PTPN7: variants seen among roughly 807,000 people sequenced by gnomAD.
PTPN7 encodes tyrosine-protein phosphatase non-receptor type 7.
In PTPN7, 33 loss-of-function variants were observed where a neutral mutation model predicts 50.3. That is an observed-to-expected ratio of 0.66 (90% confidence interval 0.50 to 0.88). The LOEUF is 0.88. Among genes scored for constraint, PTPN7 ranks in the 40% least tolerant of loss-of-function variants. The pLI, the probability that PTPN7 is intolerant of heterozygous loss-of-function variation, is 0.00. For synonymous variants in PTPN7, 185 were observed against 186.6 expected, an observed-to-expected ratio of 0.99 and a Z score of 0.07; for missense variants, 412 against 475.4, an observed-to-expected ratio of 0.87 and a Z score of 1.24.
chr1:202,155,258 C>A (rs1021279741), intron 5 of PTPN7, among the ~76,000 whole-genome samples: 2 of 152,138 alleles, frequency 1.3e-5, no homozygotes, highest in African/African-American at 4.8e-5. Context: ...TAACTTCCTG[C>A]TAAGTTTAGA....
intron 8 of PTPN7, among the ~76,000 whole-genome samples, chr1:202,152,337 G>C (rs1481066926): frequency 6.6e-6 from 1 of 152,232 alleles, no homozygotes; most frequent in African/African-American, 2.4e-5. Context: ...TATGGATGGG[G>C]CCTGGGTGTC....
chr1:202,156,068 C>T (rs1656623198), intron 4 of PTPN7, among the ~76,000 whole-genome samples: 1 of 152,170 alleles, frequency 6.6e-6, no homozygotes, highest in Non-Finnish European at 1.5e-5. Context: ...GCCACCATGT[C>T]TGGCCCCTAT....
At chr1:202,152,422 G>T in intron 8 of PTPN7, 120 bp downstream of exon 8, 1 of 1,216,698 alleles carries the variant, frequency 8.2e-7, no homozygotes, top group Non-Finnish European at 1.1e-6. Context: ...TGCGAGTCAT[G>T]TCTGAGTAAG....
intron 6 of PTPN7, 121 bp downstream of exon 6, chr1:202,154,065 G>A (rs1476953393): frequency 7.9e-6 from 11 of 1,394,464 alleles, no homozygotes; most frequent in Non-Finnish European, 1.1e-5. Flanking sequence ...TTTCTGAGAG[G>A]TATGAGCTGG....
In PTPN7 at chr1:202,159,660, A is replaced by C; in HGVS notation, c.-52-206T>G. 1 of 1,438,406 alleles carries C rather than the reference A, an allele frequency of 7.0e-7. No homozygotes were observed. The allele number at this position is 1,438,406 out of a possible 1,614,324, so 89.1% of individuals were successfully genotyped here. ...AGTCTCGGGGTAGAGTAACGGCAAG[A>C]TAAAGGGTAGAGATTGTGGATGAAG... On this transcript the variant is annotated intron_variant, in intron 1 of 9. Coordinates refer to ENST00000691036, the MANE Select transcript of PTPN7 (RefSeq NM_002832.4). The surrounding 1 kb of genome is among the most constrained non-coding windows in gnomAD (Gnocchi z 4.6).
In PTPN7 at chr1:202,153,751, A is replaced by G. The variant is rs896720433; in HGVS notation, c.691T>C (p.Tyr231His). 1 of 1,613,980 alleles carries G rather than the reference A, an allele frequency of 6.2e-7. No individual in the cohort carries two copies. Among genetic ancestry groups the G allele is most frequent in the Non-Finnish European group, 8.5e-7 (1 of 1,179,930 alleles). The change falls in exon 7 of 10, where the codon TAC (tyrosine) becomes CAC (histidine). Residue 231 changes from tyrosine to histidine, a missense_variant. Physicochemically the swap from Tyr to His is moderately conservative, Grantham distance 83 (BLOSUM62 2). Coordinates refer to ENST00000691036, the MANE Select transcript of PTPN7 (RefSeq NM_002832.4). ...TGGATGGTGAGCTGCCGCACAGTGTATTCTGGGCACTCTTTCATGTCCTGG... is the reference window on the plus strand; with the variant it reads ...TGGATGGTGAGCTGCCGCACAGTGTGTTCTGGGCACTCTTTCATGTCCTGG... ...RIQDMKECPE[Y>H]TVRQLTIQYQ...
chr1:202,147,045 A>C lies in PTPN7; in HGVS notation c.*1561T>G, dbSNP rs569150912. 6.6e-6 allele frequency: 1 copy of C among 152,076 alleles called. No individual in the cohort carries two copies. The highest frequency in any genetic ancestry group is 1.9e-4 in the East Asian group (1 of 5,132). 9.4% of individuals were successfully genotyped at this position (152,076 alleles called of 1,614,324 possible). ...TCATCCAAGAAGTCTTTATTTTCCC[A>C]CTTGGTTACTGTTCTGGAGCTTGTA... On this transcript the variant is annotated 3_prime_UTR_variant, in exon 10 of 10. Transcript: ENST00000691036.
upstream of PTPN7, chr1:202,160,681 G>C: frequency 6.4e-7 from 1 of 1,550,482 alleles, no homozygotes. The surrounding 1 kb of genome is among the most constrained non-coding windows in gnomAD (Gnocchi z 4.8). Flanking sequence ...GCACACCCCA[G>C]CTGCATTCTG....
chr1:202,147,373 G>A lies in PTPN7; in HGVS notation c.*1233C>T, dbSNP rs1461037843. 1 of 152,166 alleles carries A rather than the reference G, an allele frequency of 6.6e-6. No homozygotes were observed. The highest frequency in any genetic ancestry group is 1.5e-5 in the Non-Finnish European group (1 of 68,058). The allele number at this position is 152,166 out of a possible 1,614,324, so 9.4% of individuals were successfully genotyped here. A position where few individuals can be genotyped will look rare whatever the true frequency, so the allele number is the denominator to read the frequency against. ...GTGTTCTTCAGGAGAGAAGTCCTGAGTGAGGAGGCCCAGCTGTTCTCCAGA... is the reference window on the plus strand; with the variant it reads ...GTGTTCTTCAGGAGAGAAGTCCTGAATGAGGAGGCCCAGCTGTTCTCCAGA... On this transcript the variant is annotated 3_prime_UTR_variant, in exon 10 of 10. Transcript: ENST00000691036.
At chr1:202,154,937 C>T (rs1656480532) in intron 5 of PTPN7, among the ~76,000 whole-genome samples, 1 of 152,202 alleles carries the variant, frequency 6.6e-6, no homozygotes, top group Non-Finnish European at 1.5e-5. Flanking sequence ...TCATGTTTCC[C>T]CATGGCTTCC....
rs1188297794 is a variant in PTPN7, at chr1:202,158,253, G to A, written c.171C>T (p.Ala57=). ...TGTTCACAGAGCAGATGGGTTCTAC[G>A]GCCCCCAGGGACCGAACGTCCAGCA... ...ALMLDVRSLG[A]VEPICSVNTP... The change falls in exon 3 of 10, where the codon GCC becomes GCT. Residue 57 remains alanine, a synonymous_variant. Transcript: ENST00000691036. The A allele has an allele frequency of 6.2e-6, 10 of 1,614,098 alleles. No homozygotes were observed. The highest frequency in any genetic ancestry group is 7.6e-6 in the Non-Finnish European group (9 of 1,180,014).
At position 202,158,257 on chromosome 1, in the gene PTPN7, C is replaced by T; in HGVS notation, c.167G>A (p.Gly56Glu). The T allele has an allele frequency of 1.2e-6, 2 of 1,614,168 alleles. No individual in the cohort carries two copies. The highest frequency in any genetic ancestry group is 1.3e-5 in the African/African-American group (1 of 75,038). ...CACAGAGCAGATGGGTTCTACGGCC[C>T]CCAGGGACCGAACGTCCAGCATCAG... is the stretch of plus-strand genomic sequence containing the variant. ...VALMLDVRSLGAVEPICSVNT... is the reference protein window; with the variant it reads ...VALMLDVRSLEAVEPICSVNT... The change falls in exon 3 of 10, where the codon GGG becomes GAG. Residue 56 changes from glycine to glutamate, a missense_variant. Physicochemically the swap from Gly to Glu is moderately conservative, Grantham distance 98. Coordinates refer to ENST00000691036, the MANE Select transcript of PTPN7 (RefSeq NM_002832.4).
intron 6 of PTPN7, among the ~76,000 whole-genome samples, 168 bp downstream of exon 6, chr1:202,154,018 G>A (rs1415471412): frequency 6.6e-6 from 1 of 151,916 alleles, no homozygotes; most frequent in Non-Finnish European, 1.5e-5. Flanking sequence ...CCGTATTTTG[G>A]CCATAGACAG....
Position 202,148,847 on chromosome 1 carries a change from C to CTTTTTTTTT in PTPN7, c.990-157_990-149dup, listed in dbSNP as rs10652170. ...TCCTTTGCCTATATTCATCTTTTCACTTTTTTTTTTTTTTTTTTTTTTTTG... is the reference window on the plus strand; with the variant it reads ...TCCTTTGCCTATATTCATCTTTTCACTTTTTTTTTTTTTTTTTTTTTTTTTTTTTTTTTG... On this transcript the variant is annotated intron_variant, in intron 9 of 9. Coordinates refer to ENST00000691036, the MANE Select transcript of PTPN7 (RefSeq NM_002832.4). 6.3e-4 allele frequency: 86 copies of CTTTTTTTTT among 137,532 alleles called. 1 individual carries two copies. The highest frequency in any genetic ancestry group is 1.4e-3 in the Admixed American group (9 of 6,604). The allele number at this position is 137,532 out of a possible 1,614,324, so 8.5% of individuals were successfully genotyped here.
intron 4 of PTPN7, 73 bp downstream of exon 4, chr1:202,157,666 G>C (rs1450658242): frequency 1.5e-5 from 21 of 1,401,150 alleles, no homozygotes; most frequent in African/African-American, 2.8e-5. Context: ...CTGAAACTGT[G>C]TACTTTGTCC....
intron 6 of PTPN7, 137 bp from the exon 7 acceptor site, chr1:202,153,972 GAGCTTGATACCTGCA>G: frequency 2.0e-6 from 2 of 989,966 alleles, no homozygotes; most frequent in Non-Finnish European, 3.1e-6. Flanking sequence ...TGGCTCTTCT[GAGCTTGATACCTGCA>G]AGCAGAGTGC....
Position 202,153,727 on chromosome 1 carries a change from G to C in PTPN7, c.715C>G (p.Gln239Glu). Residue 239 changes from glutamine (Q) to glutamate (E), a missense_variant and splice_region_variant, in exon 7 of 10, where the codon CAG becomes GAG. Transcript: ENST00000691036. ...PEYTVRQLTI[Q>E]YQEERRSVKH... ...GCCTGGCTCCGGGGGGGTGGTACCT[G>C]GATGGTGAGCTGCCGCACAGTGTAT... The C allele has an allele frequency of 6.2e-7, 1 of 1,613,168 alleles. No individual in the cohort carries two copies. Among genetic ancestry groups the C allele is most frequent in the Non-Finnish European group, 8.5e-7 (1 of 1,179,168 alleles).
In PTPN7 at chr1:202,158,229, G is replaced by A. The variant is rs1462920036; in HGVS notation, c.195C>T (p.Asn65=). ...AGTGTAGGGTGACCTCCCGGGGTGT[G>A]TTCACAGAGCAGATGGGTTCTACGG... ...LGAVEPICSV[N]TPREVTLHFL... is the part of the protein sequence containing the mutation. The change falls in exon 3 of 10, where the codon AAC becomes AAT. Residue 65 remains asparagine, a synonymous_variant. Coordinates refer to ENST00000691036, the MANE Select transcript of PTPN7 (RefSeq NM_002832.4). 6.2e-6 allele frequency: 10 copies of A among 1,614,154 alleles called. No homozygotes were observed. The highest frequency in any genetic ancestry group is 1.3e-5 in the African/African-American group (1 of 75,034).
upstream of PTPN7, chr1:202,160,877 G>T: frequency 6.8e-7 from 1 of 1,470,210 alleles, no homozygotes; most frequent in Non-Finnish European, 9.0e-7. The surrounding 1 kb of genome is among the most constrained non-coding windows in gnomAD (Gnocchi z 4.8). Context: ...GTCACATCCA[G>T]CCGCTGCCTA....
Sources: gnomAD v4.1 joint callset for allele counts (sites outside exome capture counted in the v4.1 genomes callset) on GRCh38, gnomAD v4.1.1 for gene constraint, Gnocchi (gnomAD v3.1) non-coding constraint, MANE v1.5 for transcripts, NCBI Gene and HGNC (gene_info 2026-07-23, HGNC 2026-07-21) for gene names.